Variants in SOS1 observed in about 807,000 individuals in gnomAD.
The protein encoded by SOS1 is son of sevenless homolog 1.
SOS1 carries 25 observed loss-of-function variants against 157.6 expected under a neutral mutation model. The observed-to-expected ratio is 0.16, with a 90% confidence interval of 0.12 to 0.22. SOS1 has a LOEUF of 0.22. Ranked by LOEUF, SOS1 falls within the 10% of genes least tolerant of loss-of-function variation. The probability of loss-of-function intolerance (pLI) is 1.00; values close to 1 mark genes in which losing one functional copy is unlikely to be tolerated. For synonymous variants in SOS1, 528 were observed against 534.0 expected (o/e 0.99, Z 0.16); for missense variants, 1,237 against 1,599.1 (o/e 0.77, Z 3.86).
intron 3 of SOS1, among the ~76,000 whole-genome samples, chr2:39,057,067 G>C (rs1231098722): frequency 6.6e-6 from 1 of 152,138 alleles, no homozygotes; most frequent in Non-Finnish European, 1.5e-5. Flanking sequence ...GAAAAGGCAA[G>C]GCAAAATTAC....
chr2:39,099,478 T>G (rs140969341), intron 1 of SOS1, among the ~76,000 whole-genome samples: 125 of 152,298 alleles, frequency 8.2e-4, no homozygotes, highest in African/African-American at 2.5e-3. Flanking sequence ...ATGGAGTTCT[T>G]TCTGAGGTGA....
At chr2:39,052,468 C>T (rs1671053992) in intron 5 of SOS1, among the ~76,000 whole-genome samples, 1 of 152,146 alleles carries the variant, frequency 6.6e-6, no homozygotes, top group African/African-American at 2.4e-5. Context: ...TCCATCAACC[C>T]TTACTATGCC....
At chr2:39,051,733 T>A (rs1310206827) in intron 5 of SOS1, among the ~76,000 whole-genome samples, 1 of 152,174 alleles carries the variant, frequency 6.6e-6, no homozygotes, top group East Asian at 1.9e-4. Flanking sequence ...AAACATTTAG[T>A]AGAAGAATGG....
chr2:38,987,960 CA>C (rs1331900938), intron 21 of SOS1, among the ~76,000 whole-genome samples: 6 of 152,152 alleles, frequency 3.9e-5, no homozygotes, highest in African/African-American at 1.4e-4. Context: ...ATAATGGGTT[CA>C]TTTTTTTCTT....
chr2:39,033,865 G>A (rs923884204), intron 8 of SOS1, among the ~76,000 whole-genome samples: 4 of 151,576 alleles, frequency 2.6e-5, no homozygotes, highest in Admixed American at 1.3e-4. Context: ...AACTGATAAC[G>A]GCCTTAAGAT....
At position 39,045,243 on chromosome 2, in the gene SOS1, G is replaced by GGAGAGAGA. The variant is rs1308718638; in HGVS notation, c.864+5893_864+5900dup. Reference sequence around the variant, plus strand: ...GAGTGTGAGGGAATGAGAGAGAGAGGGAGAGAGAGAGAGAGAGAGAGAGAG... The same window carrying GGAGAGAGA: ...GAGTGTGAGGGAATGAGAGAGAGAGGGAGAGAGAGAGAGAGAGAGAGAGAGAGAGAGAG... On this transcript the variant is annotated intron_variant, in intron 6 of 22. Transcript: ENST00000402219. 1.2e-4 allele frequency among the ~76,000 whole-genome samples: 10 copies of GGAGAGAGA among 83,348 alleles called. No homozygotes were observed. The South Asian group carries it at 2.0e-3, about 17-fold the overall frequency. 54.7% of individuals were successfully genotyped at this position (83,348 alleles called of 152,430 possible).
intron 1 of SOS1, among the ~76,000 whole-genome samples, chr2:39,090,561 T>C (rs1019755329): frequency 2.6e-5 from 4 of 151,984 alleles, no homozygotes; most frequent in African/African-American, 9.7e-5. Flanking sequence ...CCAGGCATGG[T>C]GGCAGGCGCC....
rs543555815 is a variant in SOS1 at position 39,051,818 on chromosome 2, C to T, written c.721-531G>A. Among the ~76,000 whole-genome samples, 4 of 152,242 alleles carry T rather than the reference C, an allele frequency of 2.6e-5. No homozygotes were observed. In the East Asian group the frequency reaches 7.7e-4, roughly 29 times the overall value. On this transcript the variant is annotated intron_variant, in intron 5 of 22. Transcript: ENST00000402219. ...GGATTTTCATATCTATTTCTGCATA[C>T]AATCTGTTGTGACACATTATTTCAA...
At position 39,051,265 on chromosome 2, in the gene SOS1, C is replaced by A. The variant is rs775052125; in HGVS notation, c.743G>T (p.Arg248Leu). Reference protein sequence around the residue: ...SANDVENIFSRIVDIHELSVK... With the variant: ...SANDVENIFSLIVDIHELSVK... ...ACTAAGTTCATGTATATCTACTATG[C>A]GACTAAATATATTTTCTACATCCTG... The change falls in exon 6 of 23, where the codon CGC (arginine) becomes CTC (leucine). Residue 248 changes from arginine to leucine, a missense_variant. This residue lies in a region of SOS1 where 108 missense variants were observed against 115.3 expected (regional missense o/e 0.94). Transcript: ENST00000402219. The A allele has an allele frequency of 1.2e-6, 2 of 1,610,434 alleles. No homozygotes were observed. Among genetic ancestry groups the A allele is most frequent in the Non-Finnish European group, 1.7e-6 (2 of 1,177,040 alleles).
At chr2:39,112,350 T>G (rs146513599) in intron 1 of SOS1, among the ~76,000 whole-genome samples, 9 of 152,256 alleles carry the variant, frequency 5.9e-5, no homozygotes, top group African/African-American at 1.7e-4. Context: ...CTCTCTCTCT[T>G]GCTCTTTCTT....
At chr2:39,088,114 G>A (rs1464079195) in intron 1 of SOS1, among the ~76,000 whole-genome samples, 1 of 145,660 alleles carries the variant, frequency 6.9e-6, no homozygotes, top group East Asian at 2.0e-4. Context: ...TTCATCAATC[G>A]GATAAATTTC....
intron 10 of SOS1, among the ~76,000 whole-genome samples, chr2:39,022,184 TTA>T (rs1302203318): frequency 1.3e-5 from 2 of 151,758 alleles, no homozygotes; most frequent in African/African-American, 4.8e-5. Flanking sequence ...CACAATTTTG[TTA>T]TATTAAAATT....
intron 1 of SOS1, among the ~76,000 whole-genome samples, chr2:39,102,881 G>C (rs533174870): frequency 6.6e-6 from 1 of 152,104 alleles, no homozygotes; most frequent in African/African-American, 2.4e-5. Context: ...CTGGAGCCCA[G>C]GAAGTTGAGG....
Position 39,079,518 on chromosome 2 carries a change from G to A in SOS1, c.88-11765C>T, listed in dbSNP as rs1411436544. On this transcript the variant is annotated intron_variant, in intron 1 of 22. Coordinates refer to ENST00000402219, the MANE Select transcript of SOS1 (RefSeq NM_005633.4). ...TTTTTTTTTTTTTTTTTTTTGAGAC[G>A]GAGTCTCGCTCTGTCGCCCAGGTTG... Among the ~76,000 whole-genome samples the A allele has an allele frequency of 8.9e-4, 104 of 117,478 alleles. 1 individual carries two copies. Among genetic ancestry groups the A allele is most frequent in the African/African-American group, 2.2e-3 (60 of 26,850 alleles). 77.1% of individuals were successfully genotyped at this position (117,478 alleles called of 152,430 possible). A position where few individuals can be genotyped will look rare whatever the true frequency, so the allele number is the denominator to read the frequency against.
At chr2:39,053,935 T>C (rs1480507883) in intron 5 of SOS1, among the ~76,000 whole-genome samples, 1 of 152,128 alleles carries the variant, frequency 6.6e-6, no homozygotes, top group Non-Finnish European at 1.5e-5. Context: ...CTCTTTTTTT[T>C]TTTTTCTTCT....
Position 38,983,578 on chromosome 2 carries a change from T to TTA in SOS1, c.*2244_*2245dup, listed in dbSNP as rs3832123. On this transcript the variant is annotated 3_prime_UTR_variant, in exon 23 of 23. Transcript: ENST00000402219. The stretch of plus-strand genomic sequence containing the variant: ...GATAGGTTGAAAAGGGGTTATCACC[T>TTA]TATTGAAGGCTAACACATTAGCCGA... 121,141 of 151,984 alleles carry TTA rather than the reference T, an allele frequency of 0.8. 50,972 individuals are homozygous for TTA. Among genetic ancestry groups the TTA allele is most frequent in the Non-Finnish European group, 0.92 (62,747 of 67,960 alleles). The allele number at this position is 151,984 out of a possible 1,614,324, so 9.4% of individuals were successfully genotyped here.
chr2:39,071,405 T>A (rs1671789061), intron 1 of SOS1, among the ~76,000 whole-genome samples: 1 of 152,186 alleles, frequency 6.6e-6, no homozygotes, highest in South Asian at 2.1e-4. Flanking sequence ...GTCATACTAT[T>A]TAATAAACAT....
intron 6 of SOS1, among the ~76,000 whole-genome samples, chr2:39,045,446 T>G (rs1670746210): frequency 1.3e-5 from 2 of 152,182 alleles, no homozygotes; most frequent in African/African-American, 4.8e-5. Context: ...CTTCTTATAT[T>G]TTGAGGCTTT....
intron 2 of SOS1, among the ~76,000 whole-genome samples, chr2:39,060,290 T>C (rs1263734196): frequency 6.6e-6 from 1 of 152,194 alleles, no homozygotes; most frequent in African/African-American, 2.4e-5. Flanking sequence ...CCTCAACTCA[T>C]AGTAAGAATA....
Sources: allele counts gnomAD v4.1 joint callset (sites outside exome capture counted in the v4.1 genomes callset), GRCh38; gene constraint gnomAD v4.1.1; regional missense constraint gnomAD v4.1.1; transcripts MANE v1.5; gene names NCBI Gene and HGNC (gene_info 2026-07-23, HGNC 2026-07-21).